The following TDRD5 variants were observed in gnomAD, a reference collection of about 807,000 sequenced individuals.
The protein encoded by TDRD5 is tudor domain-containing protein 5.
Under a neutral mutation model 120.6 loss-of-function variants are expected in TDRD5, and 41 were observed. The ratio of observed to expected loss-of-function variants is 0.34; its 90% confidence interval spans 0.26 to 0.44. The LOEUF (loss-of-function observed/expected upper bound fraction) is 0.44. TDRD5 is among the 20% of genes least tolerant of loss of function. The pLI is 1.00. For missense variants in TDRD5, 1,006 were observed against 1,221.2 expected, an observed-to-expected ratio of 0.82 and a Z score of 2.63; for synonymous variants, 430 against 433.7, an observed-to-expected ratio of 0.99 and a Z score of 0.11.
intron 17 of TDRD5, among the ~76,000 whole-genome samples, chr1:179,689,693 G>C (rs1379751411): frequency 6.6e-6 from 1 of 152,122 alleles, no homozygotes; most frequent in Non-Finnish European, 1.5e-5. Context: ...AGCTGTGGTG[G>C]GCTCCACTCA....
At chr1:179,653,192 G>A (rs1313649843) in intron 13 of TDRD5, among the ~76,000 whole-genome samples, 1 of 152,158 alleles carries the variant, frequency 6.6e-6, no homozygotes, top group Non-Finnish European at 1.5e-5. Flanking sequence ...AATACAGGAT[G>A]TGTTTAATTT....
chr1:179,659,545 G>T (rs1333503720), intron 14 of TDRD5, among the ~76,000 whole-genome samples: 1 of 130,338 alleles, frequency 7.7e-6, no homozygotes, highest in East Asian at 2.2e-4. Context: ...AGCCATTCCA[G>T]TTTTCGTGTG....
Position 179,630,870 on chromosome 1 carries a change from G to A in TDRD5, c.1076G>A (p.Gly359Glu). ...ATTCTCCATGTTGAGTTCAGGAAAG[G>A]ACACCAAGACTTACTAGTGTTTGAT... is the stretch of plus-strand genomic sequence containing the variant. Reference protein sequence around the residue: ...SDILHVEFRKGHQDLLVFDAD... With the variant: ...SDILHVEFRKEHQDLLVFDAD... The change falls in exon 7 of 18, where the codon GGA becomes GAA. Residue 359 changes from glycine (G) to glutamate (E), a missense_variant. Physicochemically the swap from Gly to Glu is moderately conservative, Grantham distance 98 (BLOSUM62 -2). Around this residue, in one of 3 missense-constraint regions of TDRD5, gnomAD observed 445 missense variants for 515.5 expected, o/e 0.86. Coordinates refer to ENST00000444136, the MANE Select transcript of TDRD5 (RefSeq NM_001199085.3). The A allele has an allele frequency of 6.2e-7, 1 of 1,613,938 alleles. No individual in the cohort carries two copies. The highest frequency in any genetic ancestry group is 8.5e-7 in the Non-Finnish European group (1 of 1,179,924).
chr1:179,628,747 C>G (rs1677278051), intron 6 of TDRD5, among the ~76,000 whole-genome samples: 1 of 152,182 alleles, frequency 6.6e-6, no homozygotes, highest in African/African-American at 2.4e-5. Context: ...GCTAGCAAAA[C>G]TCAACTGTGT....
intron 6 of TDRD5, among the ~76,000 whole-genome samples, chr1:179,625,793 G>T (rs1317245759): frequency 2.6e-5 from 4 of 152,098 alleles, no homozygotes; most frequent in African/African-American, 7.2e-5. Flanking sequence ...TGGTACGTTT[G>T]TACAACAAAA....
intron 15 of TDRD5, 88 bp downstream of exon 15, chr1:179,662,374 G>A: frequency 7.0e-7 from 1 of 1,423,358 alleles, no homozygotes; most frequent in South Asian, 1.4e-5. Context: ...GCCAAGGTGG[G>A]TGGATCAGTT....
chr1:179,645,405 T>A (rs1202100178), intron 11 of TDRD5, among the ~76,000 whole-genome samples: 1 of 152,184 alleles, frequency 6.6e-6, no homozygotes, highest in Non-Finnish European at 1.5e-5. Flanking sequence ...TCCTAATTTG[T>A]CCTTTTGTAG....
chr1:179,675,108 A>G (rs888623019), intron 17 of TDRD5, among the ~76,000 whole-genome samples: 1 of 151,632 alleles, frequency 6.6e-6, no homozygotes, highest in East Asian at 1.9e-4. Context: ...TGTTTCTCCA[A>G]TTCTGTGAGG....
intron 4 of TDRD5, among the ~76,000 whole-genome samples, chr1:179,614,217 CTTAG>C (rs1049884670): frequency 6.6e-6 from 1 of 152,134 alleles, no homozygotes; most frequent in African/African-American, 2.4e-5. Context: ...CATTCTGGTT[CTTAG>C]TTTGTGACCT....
chr1:179,666,340 A>G (rs1048743503), intron 16 of TDRD5, among the ~76,000 whole-genome samples: 1 of 152,232 alleles, frequency 6.6e-6, no homozygotes, highest in Non-Finnish European at 1.5e-5. Flanking sequence ...ACACTGATTT[A>G]AATAGTTCTG....
At chr1:179,644,616 A>G (rs1382524013) in intron 11 of TDRD5, among the ~76,000 whole-genome samples, 1 of 151,962 alleles carries the variant, frequency 6.6e-6, no homozygotes, top group Non-Finnish European at 1.5e-5. Context: ...GACATTTTTG[A>G]TGTCATTTAA....
rs76026172 is a variant in TDRD5 at position 179,670,827 on chromosome 1, A to G, written c.2860+1423A>G. Among the ~76,000 whole-genome samples the G allele has an allele frequency of 1.4e-4, 21 of 152,284 alleles. 1 individual carries two copies. In the East Asian group the frequency reaches 3.9e-3, roughly 28 times the overall value. The stretch of plus-strand genomic sequence containing the variant: ...CTTTGTCAGGTATAAATATTCCTCC[A>G]GTCTGTGGCTTGCCTTTTAGTATCT... On this transcript the variant is annotated intron_variant, in intron 17 of 17. Coordinates refer to ENST00000444136, the MANE Select transcript of TDRD5 (RefSeq NM_001199085.3).
At chr1:179,612,747 C>T (rs536033984) in intron 4 of TDRD5, among the ~76,000 whole-genome samples, 1 of 152,014 alleles carries the variant, frequency 6.6e-6, no homozygotes, top group South Asian at 2.1e-4. Flanking sequence ...CCAGCCTGGG[C>T]AACATGGTGA....
intron 13 of TDRD5, among the ~76,000 whole-genome samples, chr1:179,653,207 G>A (rs1018331572): frequency 2.6e-5 from 4 of 151,998 alleles, no homozygotes; most frequent in Admixed American, 2.6e-4. Context: ...TAATTTGAGG[G>A]CCAAAAATGT....
At chr1:179,609,907 A>G (rs531007315) in intron 4 of TDRD5, among the ~76,000 whole-genome samples, 6 of 152,088 alleles carry the variant, frequency 3.9e-5, no homozygotes, top group Admixed American at 6.5e-5. Flanking sequence ...TCCATATTCA[A>G]TCCTGCAAAT....
rs57793330 is a variant in TDRD5 at position 179,661,899 on chromosome 1, C to A, written c.2323-205C>A. On this transcript the variant is annotated intron_variant, in intron 14 of 17. Coordinates refer to ENST00000444136, the MANE Select transcript of TDRD5 (RefSeq NM_001199085.3). Reference sequence around the variant, plus strand: ...GTACCCAGAAAGTAGATGGTGCTTTCTCCTCTTCTGTTCTCTTTGACTATA... The same window carrying A: ...GTACCCAGAAAGTAGATGGTGCTTTATCCTCTTCTGTTCTCTTTGACTATA... Among the ~76,000 whole-genome samples, 1,226 of 152,280 alleles carry A rather than the reference C, an allele frequency of 8.1e-3. 15 individuals carry two copies. Among genetic ancestry groups the A allele is most frequent in the African/African-American group, 0.028 (1,173 of 41,558 alleles).
chr1:179,689,754 G>A (rs76496564), intron 17 of TDRD5, among the ~76,000 whole-genome samples: 7 of 152,230 alleles, frequency 4.6e-5, no homozygotes, highest in East Asian at 1.9e-4. Flanking sequence ...CAGCAATGGC[G>A]GGCACCCCTC....
intron 4 of TDRD5, among the ~76,000 whole-genome samples, chr1:179,599,323 T>A (rs1328675974): frequency 6.6e-6 from 1 of 152,088 alleles, no homozygotes; most frequent in Admixed American, 6.5e-5. Flanking sequence ...GGTTTTGGAA[T>A]CATTTTAATA....
chr1:179,628,320 T>TC (rs1677246642), intron 6 of TDRD5, among the ~76,000 whole-genome samples: 1 of 57,660 alleles, frequency 1.7e-5, no homozygotes. Context: ...TTTTCTTTTC[T>TC]TTTCTTTTTT....
Sources: allele counts gnomAD v4.1 joint callset (sites outside exome capture counted in the v4.1 genomes callset), GRCh38; gene constraint gnomAD v4.1.1; regional missense constraint gnomAD v4.1.1; transcripts MANE v1.5; gene names NCBI Gene and HGNC (gene_info 2026-07-23, HGNC 2026-07-21).